The following FRMD3 variants were observed in gnomAD, a reference collection of about 807,000 sequenced individuals.
FRMD3 encodes the protein FERM domain-containing protein 3.
Under a neutral mutation model 70.2 loss-of-function variants are expected in FRMD3, and 33 were observed. The observed-to-expected ratio is 0.47, with a 90% CI of 0.36 to 0.63. The LOEUF is 0.63. Ranked by LOEUF, FRMD3 falls within the 20% of genes least tolerant of loss-of-function variation. FRMD3 has a pLI of 0.00. For missense variants in FRMD3, 632 were observed against 711.4 expected, an observed-to-expected ratio of 0.89 and a Z score of 1.27; for synonymous variants, 279 against 255.9, an observed-to-expected ratio of 1.09 and a Z score of -0.86.
intron 1 of FRMD3, among the ~76,000 whole-genome samples, chr9:83,412,859 G>T (rs1354743836): frequency 6.6e-6 from 1 of 152,158 alleles, no homozygotes; most frequent in Non-Finnish European, 1.5e-5. Flanking sequence ...GCCGGGCATG[G>T]TGGCACACAC....
In FRMD3 at chr9:83,298,737, C is replaced by A; in HGVS notation, c.1070+11G>T. Reference sequence around the variant, plus strand: ...AAAGCCACCTGGAACCCACAGTGATCATCCACTCACCTGTGCACCTCAGGA... The same window carrying A: ...AAAGCCACCTGGAACCCACAGTGATAATCCACTCACCTGTGCACCTCAGGA... On this transcript the variant is annotated intron_variant, in intron 12 of 13. Transcript: ENST00000304195. 6.2e-7 allele frequency: 1 copy of A among 1,612,504 alleles called. No homozygotes were observed. Among genetic ancestry groups the A allele is most frequent in the South Asian group, 1.1e-5 (1 of 91,040 alleles).
intron 1 of FRMD3, among the ~76,000 whole-genome samples, chr9:83,492,099 G>A (rs1166639999): frequency 3.3e-5 from 5 of 152,202 alleles, no homozygotes; most frequent in African/African-American, 1.2e-4. Context: ...AAGTCCCATA[G>A]ACACTAAGAG....
intron 3 of FRMD3, among the ~76,000 whole-genome samples, chr9:83,367,776 GT>G (rs1257181412): frequency 6.6e-6 from 1 of 152,208 alleles, no homozygotes; most frequent in Non-Finnish European, 1.5e-5. Context: ...TTTTGGGTGA[GT>G]TTTGGTAAGT....
At chr9:83,511,822 G>C (rs577337986) in intron 1 of FRMD3, among the ~76,000 whole-genome samples, 1 of 152,284 alleles carries the variant, frequency 6.6e-6, no homozygotes, top group East Asian at 1.9e-4. Context: ...AGGGTTGTGG[G>C]GGTGTCTCCA....
chr9:83,247,892 G>A lies in FRMD3; in HGVS notation c.*26C>T. 2 of 1,609,336 alleles carry A rather than the reference G, an allele frequency of 1.2e-6. No individual in the cohort carries two copies. The highest frequency in any genetic ancestry group is 1.7e-6 in the Non-Finnish European group (2 of 1,176,846). On this transcript the variant is annotated 3_prime_UTR_variant, in exon 14 of 14. Coordinates refer to ENST00000304195, the MANE Select transcript of FRMD3 (RefSeq NM_174938.6). ...AAAGAAATCACTAGCATTGAATATAGCCCTTAGTCACGTGAGAGATTAACT... is the reference window on the plus strand; with the variant it reads ...AAAGAAATCACTAGCATTGAATATAACCCTTAGTCACGTGAGAGATTAACT...
chr9:83,485,444 T>G (rs1465217414), intron 1 of FRMD3, among the ~76,000 whole-genome samples: 1 of 152,178 alleles, frequency 6.6e-6, no homozygotes, highest in Non-Finnish European at 1.5e-5. Context: ...TTAATTAAAT[T>G]AAGTGATTTC....
chr9:83,325,720 C>T (rs912159971), intron 6 of FRMD3, among the ~76,000 whole-genome samples: 3 of 152,112 alleles, frequency 2.0e-5, no homozygotes, highest in Non-Finnish European at 2.9e-5. Context: ...TACTCAGATC[C>T]GATTAGAGAA....
intron 6 of FRMD3, among the ~76,000 whole-genome samples, chr9:83,318,869 T>C (rs10867986): frequency 6.6e-6 from 1 of 152,036 alleles, no homozygotes; most frequent in Non-Finnish European, 1.5e-5. Context: ...TCTCTCATTG[T>C]GGTTTTAATT....
At chr9:83,325,817 TAAG>T (rs1410647333) in intron 6 of FRMD3, among the ~76,000 whole-genome samples, 2 of 152,204 alleles carry the variant, frequency 1.3e-5, no homozygotes, top group African/African-American at 4.8e-5. Flanking sequence ...GCCCTCAAAC[TAAG>T]AATGGGTTTT....
intron 1 of FRMD3, among the ~76,000 whole-genome samples, chr9:83,483,575 T>C (rs1005331484): frequency 1.3e-5 from 2 of 152,168 alleles, no homozygotes; most frequent in Non-Finnish European, 2.9e-5. Context: ...GATACAAATG[T>C]AACTTGTGGC....
chr9:83,555,066 C>A, the FRMD3 span, among the ~76,000 whole-genome samples: 1 of 152,226 alleles, frequency 6.6e-6, no homozygotes, highest in Non-Finnish European at 1.5e-5. Flanking sequence ...CTGCAGACCC[C>A]AGTTAAGAGG....
intron 1 of FRMD3, among the ~76,000 whole-genome samples, chr9:83,454,558 TAG>T (rs1827763466): frequency 6.6e-6 from 1 of 152,252 alleles, no homozygotes; most frequent in African/African-American, 2.4e-5. Flanking sequence ...GGAGTACAGG[TAG>T]CATCTGAATT....
chr9:83,483,758 G>A (rs11140113), intron 1 of FRMD3, among the ~76,000 whole-genome samples: 28,812 of 152,006 alleles, frequency 0.19, 3,484 homozygotes, highest in African/African-American at 0.34. Context: ...TACCCAAGAG[G>A]CTGAGGTGGG....
At chr9:83,571,514 AC>A in the FRMD3 span, among the ~76,000 whole-genome samples, 1 of 152,222 alleles carries the variant, frequency 6.6e-6, no homozygotes, top group East Asian at 1.9e-4. Context: ...TGAAGGAGAT[AC>A]CAGTAGCTTT....
At chr9:83,373,027 T>A in intron 2 of FRMD3, 72 bp from the exon 3 acceptor site, 1 of 1,236,034 alleles carries the variant, frequency 8.1e-7, no homozygotes, top group African/African-American at 1.5e-5. Context: ...ACCTAATAAC[T>A]AAAAGGAATT....
intron 4 of FRMD3, among the ~76,000 whole-genome samples, chr9:83,344,602 A>G (rs921104868): frequency 6.6e-6 from 1 of 152,134 alleles, no homozygotes; most frequent in South Asian, 2.1e-4. Flanking sequence ...TCAATCTTCT[A>G]TCCTCAGTGT....
chr9:83,341,094 G>T (rs1823739483), intron 5 of FRMD3, among the ~76,000 whole-genome samples: 2 of 152,180 alleles, frequency 1.3e-5, no homozygotes, highest in African/African-American at 4.8e-5. Flanking sequence ...AGAATAAGCA[G>T]TTCTGAAATG....
chr9:83,266,136 T>TA lies in FRMD3; in HGVS notation c.1196-17621dup, dbSNP rs964510503. The stretch of plus-strand genomic sequence containing the variant: ...AATATATCTTGAACAATCCCATTTA[T>TA]AAAAAAAAAAAATCCTATATCCCAT... On this transcript the variant is annotated intron_variant, in intron 13 of 13. Coordinates refer to ENST00000304195, the MANE Select transcript of FRMD3 (RefSeq NM_174938.6). 2.9e-3 allele frequency among the ~76,000 whole-genome samples: 416 copies of TA among 144,960 alleles called. 2 individuals carry two copies. Among genetic ancestry groups the TA allele is most frequent in the African/African-American group, 6.6e-3 (264 of 39,710 alleles).
intron 1 of FRMD3, among the ~76,000 whole-genome samples, chr9:83,435,904 G>C (rs1430015564): frequency 1.3e-5 from 2 of 152,142 alleles, no homozygotes; most frequent in East Asian, 3.9e-4. Flanking sequence ...CCACAATAGA[G>C]AGAAATTGGA....
Sources: gnomAD v4.1 joint callset for allele counts (sites outside exome capture counted in the v4.1 genomes callset) on GRCh38, gnomAD v4.1.1 for gene constraint, MANE v1.5 for transcripts, NCBI Gene and HGNC (gene_info 2026-07-23, HGNC 2026-07-21) for gene names.